The following ARHGAP15 variants were observed in gnomAD, a reference collection of about 807,000 sequenced individuals.
ARHGAP15 encodes the protein rho GTPase-activating protein 15.
Under a neutral mutation model 63.7 loss-of-function variants are expected in ARHGAP15, and 51 were observed. The observed-to-expected ratio is 0.80, with a 90% CI of 0.64 to 1.01. The LOEUF (loss-of-function observed/expected upper bound fraction) is 1.01. Among genes scored for constraint, ARHGAP15 ranks in the 50% least tolerant of loss-of-function variants. ARHGAP15 has a pLI of 0.00. For synonymous variants in ARHGAP15, 191 were observed against 193.8 expected, an observed-to-expected ratio of 0.99 and a Z score of 0.12; for missense variants, 560 against 564.6, an observed-to-expected ratio of 0.99 and a Z score of 0.08.
chr2:143,479,523 A>G (rs1193375740), intron 8 of ARHGAP15, among the ~76,000 whole-genome samples: 2 of 152,052 alleles, frequency 1.3e-5, no homozygotes, highest in East Asian at 3.9e-4. Flanking sequence ...TTGATGCCCT[A>G]TGATATTTTC....
chr2:143,715,258 G>A (rs962362724), intron 13 of ARHGAP15, among the ~76,000 whole-genome samples: 15 of 152,110 alleles, frequency 9.9e-5, no homozygotes, highest in African/African-American at 2.9e-4. Context: ...TCGCTATCAC[G>A]AGAATAGCAT....
chr2:143,678,784 T>C (rs1284579965), intron 12 of ARHGAP15, among the ~76,000 whole-genome samples: 1 of 152,216 alleles, frequency 6.6e-6, no homozygotes. Context: ...CAAACTTCAT[T>C]GATCCATATG....
At chr2:143,731,010 CAGT>C (rs1298923308) in intron 13 of ARHGAP15, among the ~76,000 whole-genome samples, 17 of 137,200 alleles carry the variant, frequency 1.2e-4, no homozygotes, top group Non-Finnish European at 1.5e-5. Flanking sequence ...TCCAAGAGGC[CAGT>C]AGAAGTGGAG....
At chr2:143,235,305 A>AT (rs1392805178) in intron 5 of ARHGAP15, among the ~76,000 whole-genome samples, 1 of 148,304 alleles carries the variant, frequency 6.7e-6, no homozygotes, top group Non-Finnish European at 1.5e-5. Context: ...AAAGATTTGA[A>AT]TTGGGCCTTG....
chr2:143,272,524 G>T (rs1048135183), intron 6 of ARHGAP15, among the ~76,000 whole-genome samples: 2 of 151,990 alleles, frequency 1.3e-5, no homozygotes, highest in African/African-American at 4.8e-5. Context: ...ATAGTGGTGG[G>T]CGCCTGTAAT....
intron 13 of ARHGAP15, among the ~76,000 whole-genome samples, chr2:143,739,634 T>A (rs1403702578): frequency 6.6e-6 from 1 of 152,184 alleles, no homozygotes. Context: ...CTGGTCTGAT[T>A]TCCTGCTACC....
At chr2:143,294,688 A>C (rs530208672) in intron 6 of ARHGAP15, among the ~76,000 whole-genome samples, 2 of 152,146 alleles carry the variant, frequency 1.3e-5, no homozygotes, top group African/African-American at 4.8e-5. Flanking sequence ...GGGGACAGCC[A>C]CTTTCCAGCA....
intron 6 of ARHGAP15, among the ~76,000 whole-genome samples, chr2:143,430,780 A>G (rs992636122): frequency 6.6e-6 from 1 of 152,052 alleles, no homozygotes; most frequent in African/African-American, 2.4e-5. Flanking sequence ...TCTAAACATA[A>G]TAGCAATTAA....
At chr2:143,584,731 AAGTT>A (rs1217423004) in intron 11 of ARHGAP15, among the ~76,000 whole-genome samples, 1 of 152,184 alleles carries the variant, frequency 6.6e-6, no homozygotes, top group Non-Finnish European at 1.5e-5. Context: ...GAATGTGAGT[AAGTT>A]AGGTCATATT....
intron 10 of ARHGAP15, among the ~76,000 whole-genome samples, chr2:143,520,177 A>G (rs966168039): frequency 5.9e-5 from 9 of 152,198 alleles, no homozygotes; most frequent in African/African-American, 2.2e-4. Flanking sequence ...AGGTGTTTTC[A>G]GAAAAAAGGA....
At chr2:143,372,673 T>C (rs1017912976) in intron 6 of ARHGAP15, among the ~76,000 whole-genome samples, 2 of 152,194 alleles carry the variant, frequency 1.3e-5, no homozygotes, top group Admixed American at 1.3e-4. Context: ...AAGATATGGA[T>C]ACTTGCCTTA....
rs1273203511 is a variant in ARHGAP15, at chr2:143,504,664, G to C, written c.827-14602G>C. ...TCAGCTACTCAAGGGAGTCCCTGAAGTGTGTTGCACAATTTGATGAATTAC... is the reference window on the plus strand; with the variant it reads ...TCAGCTACTCAAGGGAGTCCCTGAACTGTGTTGCACAATTTGATGAATTAC... On this transcript the variant is annotated intron_variant, in intron 9 of 13. Transcript: ENST00000295095. Among the ~76,000 whole-genome samples the C allele has an allele frequency of 3.9e-5, 6 of 152,332 alleles. No homozygotes were observed. In the East Asian group the frequency reaches 9.6e-4, roughly 24 times the overall value.
intron 10 of ARHGAP15, among the ~76,000 whole-genome samples, chr2:143,524,568 A>G (rs895397093): frequency 2.2e-4 from 33 of 152,218 alleles, no homozygotes; most frequent in African/African-American, 7.0e-4. Context: ...CAACTTGGAA[A>G]AAGGATGGCT....
chr2:143,439,624 A>C (rs1689789396), intron 8 of ARHGAP15, among the ~76,000 whole-genome samples: 1 of 151,744 alleles, frequency 6.6e-6, no homozygotes, highest in Non-Finnish European at 1.5e-5. Context: ...TCCTCTCACC[A>C]ATCCTATGAG....
chr2:143,661,589 A>T (rs1470670880), intron 12 of ARHGAP15, among the ~76,000 whole-genome samples: 1 of 152,172 alleles, frequency 6.6e-6, no homozygotes, highest in Non-Finnish European at 1.5e-5. Context: ...GCCGAATAGG[A>T]ACAGCTCCAG....
At chr2:143,312,062 G>C (rs566622302) in intron 6 of ARHGAP15, among the ~76,000 whole-genome samples, 15 of 152,058 alleles carry the variant, frequency 9.9e-5, no homozygotes, top group Non-Finnish European at 1.9e-4. Context: ...ATCCATGCAA[G>C]TAAAATTTGG....
At chr2:143,294,040 T>C (rs1682525162) in intron 6 of ARHGAP15, among the ~76,000 whole-genome samples, 1 of 152,064 alleles carries the variant, frequency 6.6e-6, no homozygotes, top group African/African-American at 2.4e-5. Context: ...ACTCTTCTGG[T>C]ATTTGTCATA....
chr2:143,524,484 G>T (rs1181521365), intron 10 of ARHGAP15, among the ~76,000 whole-genome samples: 1 of 152,152 alleles, frequency 6.6e-6, no homozygotes, highest in Non-Finnish European at 1.5e-5. Context: ...TTATATGTTT[G>T]TGTAATGGAT....
chr2:143,471,197 CATAT>C (rs1426478786), intron 8 of ARHGAP15, among the ~76,000 whole-genome samples: 13 of 140,088 alleles, frequency 9.3e-5, no homozygotes, highest in Non-Finnish European at 1.4e-4. Flanking sequence ...TATATACACA[CATAT>C]ATGTGTGTAT....
Sources: allele counts gnomAD v4.1 joint callset (sites outside exome capture counted in the v4.1 genomes callset), GRCh38; gene constraint gnomAD v4.1.1; transcripts MANE v1.5; gene names NCBI Gene and HGNC (gene_info 2026-07-23, HGNC 2026-07-21).